The following MGST1 variants were observed in gnomAD, a reference collection of about 807,000 sequenced individuals.
MGST1 encodes glutathione S-transferase 12.
MGST1 carries 5 observed loss-of-function variants against 8.9 expected under a neutral mutation model. That is an observed-to-expected ratio of 0.56 (90% CI 0.29 to 1.19). The LOEUF (loss-of-function observed/expected upper bound fraction) is 1.19. Among genes scored for constraint, MGST1 ranks in the 50% most tolerant of loss-of-function variants. The pLI, the probability that MGST1 is intolerant of heterozygous loss-of-function variation, is 0.08. For synonymous variants in MGST1, 54 were observed against 67.8 expected (o/e 0.80, Z 1.00); for missense variants, 182 against 187.4 (o/e 0.97, Z 0.17).
chr12:16,586,931 C>G lies in MGST1; in HGVS notation n.483-2597C>G, dbSNP rs1335522935. Among the ~76,000 whole-genome samples the G allele has an allele frequency of 6.6e-6, 1 of 152,174 alleles. No individual in the cohort carries two copies. Among genetic ancestry groups the G allele is most frequent in the Non-Finnish European group, 1.5e-5 (1 of 68,030 alleles). The stretch of plus-strand genomic sequence containing the variant: ...GAATTCTCCCCTCTAATAATAGAGT[C>G]ATGTGATAGCTTAAAAACACATGCT... On this transcript the variant is annotated intron_variant and non_coding_transcript_variant, in intron 4 of 4. Coordinates refer to the MGST1 transcript ENST00000538857. This position sits in a 1 kb window ranked among gnomAD's most constrained non-coding sequence, Gnocchi z 4.3.
chr12:16,461,337 T>C (rs1399374106), intron 4 of MGST1, among the ~76,000 whole-genome samples: 2 of 152,170 alleles, frequency 1.3e-5, no homozygotes, highest in African/African-American at 2.4e-5. Flanking sequence ...TTGACTTATA[T>C]AGTTATTCTA....
rs560753775 is a variant in MGST1, at chr12:16,402,502, C to A, written n.778+18898C>A. The A allele has an allele frequency of 3.9e-5, 47 of 1,219,118 alleles. 2 individuals are homozygous for A. The South Asian group carries it at 5.7e-4, about 15-fold the overall frequency. 75.5% of individuals were successfully genotyped at this position (1,219,118 alleles called of 1,614,324 possible). A position where few individuals can be genotyped will look rare whatever the true frequency, so the allele number is the denominator to read the frequency against. On this transcript the variant is annotated intron_variant and non_coding_transcript_variant, in intron 1 of 1. Transcript: ENST00000359720. The stretch of plus-strand genomic sequence containing the variant: ...CCACCTGCTCTCGGCCCAGGAATCC[C>A]GCACTCTTATTCTTGGTTAGATTTA...
At chr12:16,562,862 T>A (rs1314221197) in intron 4 of MGST1, among the ~76,000 whole-genome samples, 2 of 152,232 alleles carry the variant, frequency 1.3e-5, no homozygotes, top group East Asian at 1.9e-4. Flanking sequence ...CTGCTACCAG[T>A]GTACTTTCCA....
rs1940133839 is a variant in MGST1 at position 16,364,135 on chromosome 12, G to C, written c.*94G>C. On this transcript the variant is annotated 3_prime_UTR_variant, in exon 4 of 4. Transcript: ENST00000396210. This position sits in a 1 kb window ranked among gnomAD's most constrained non-coding sequence, Gnocchi z 5.7. ...CTTTCTTAGATTTTAGGTAGGAGGG[G>C]AGCAGAGGAATTATGAACTGGGGTA... The C allele has an allele frequency of 6.9e-7, 1 of 1,457,374 alleles. No individual in the cohort carries two copies. Among genetic ancestry groups the C allele is most frequent in the Non-Finnish European group, 9.1e-7 (1 of 1,102,030 alleles). 90.3% of individuals were successfully genotyped at this position (1,457,374 alleles called of 1,614,324 possible). A position where few individuals can be genotyped will look rare whatever the true frequency, so the allele number is the denominator to read the frequency against.
chr12:16,495,607 T>C (rs1941464705), intron 4 of MGST1, among the ~76,000 whole-genome samples: 1 of 152,056 alleles, frequency 6.6e-6, no homozygotes, highest in Non-Finnish European at 1.5e-5. Flanking sequence ...AGAGGATAAA[T>C]TTTCCAACCG....
intron 1 of MGST1, among the ~76,000 whole-genome samples, chr12:16,409,962 T>A (rs1327414935): frequency 6.6e-6 from 1 of 152,152 alleles, no homozygotes; most frequent in Non-Finnish European, 1.5e-5. Flanking sequence ...AATACTTGTT[T>A]TATGTTATCT....
chr12:16,363,997 C>CT lies in MGST1; in HGVS notation c.427dup (p.Ser143PhefsTer10). The CT allele has an allele frequency of 1.2e-6, 2 of 1,613,714 alleles. No individual in the cohort carries two copies. Among genetic ancestry groups the CT allele is most frequent in the Non-Finnish European group, 8.5e-7 (1 of 1,179,734 alleles). On this transcript the variant is annotated frameshift_variant, in exon 4 of 4. Transcript: ENST00000396210. LOFTEE classifies it high-confidence loss of function. This position sits in a 1 kb window ranked among gnomAD's most constrained non-coding sequence, Gnocchi z 4.6. Reference sequence around the variant, plus strand: ...TTTTTTTGTTGGATATGGAGTTACTCTTTCCATGGCTTACAGGTTGCTGAA... The same window carrying CT: ...TTTTTTTGTTGGATATGGAGTTACTCTTTTCCATGGCTTACAGGTTGCTGAA...
At chr12:16,505,144 T>C (rs2137172367) in intron 4 of MGST1, among the ~76,000 whole-genome samples, 1 of 152,290 alleles carries the variant, frequency 6.6e-6, no homozygotes, top group Non-Finnish European at 1.5e-5. Flanking sequence ...ATCTCAACTA[T>C]TTTGTGGATA....
chr12:16,554,794 C>T (rs1942127197), intron 4 of MGST1, among the ~76,000 whole-genome samples: 1 of 152,174 alleles, frequency 6.6e-6, no homozygotes, highest in Non-Finnish European at 1.5e-5. Context: ...GTAGCTCTGA[C>T]TACAGGCGCC....
Position 16,388,225 on chromosome 12 carries a change from T to C in MGST1, n.778+4621T>C, listed in dbSNP as rs575263237. ...ACTGTAGGCAATTGTAACACAATGG[T>C]AAGTATTTGTGTACCTAAACATAGA... On this transcript the variant is annotated intron_variant and non_coding_transcript_variant, in intron 1 of 1. Coordinates refer to the MGST1 transcript ENST00000359720. Among the ~76,000 whole-genome samples, 19 of 152,058 alleles carry C rather than the reference T, an allele frequency of 1.2e-4. No homozygotes were observed. In the East Asian group the frequency reaches 3.7e-3, roughly 30 times the overall value.
chr12:16,408,319 C>T (rs1042044099), intron 1 of MGST1, among the ~76,000 whole-genome samples: 2 of 152,074 alleles, frequency 1.3e-5, no homozygotes, highest in African/African-American at 4.8e-5. Context: ...CAACAAATTC[C>T]CATGACAGGA....
At chr12:16,353,845 C>T (rs141210182) in intron 1 of MGST1, among the ~76,000 whole-genome samples, 2,207 of 150,738 alleles carry the variant, frequency 0.015, 54 homozygotes, top group African/African-American at 0.052. Flanking sequence ...TTGCAACCTC[C>T]GCCTCCCGGA....
At chr12:16,461,608 G>A (rs1941221984) in intron 4 of MGST1, among the ~76,000 whole-genome samples, 2 of 152,112 alleles carry the variant, frequency 1.3e-5, no homozygotes, top group South Asian at 4.1e-4. Flanking sequence ...ATAAACATGA[G>A]AAGGGGTTCG....
In MGST1 at chr12:16,584,174, A is replaced by C. The variant is rs1943248326; in HGVS notation, n.483-5354A>C. Among the ~76,000 whole-genome samples the C allele has an allele frequency of 6.6e-6, 1 of 152,096 alleles. No homozygotes were observed. The highest frequency in any genetic ancestry group is 2.4e-5 in the African/African-American group (1 of 41,436). ...ACAGCAGTGAGTAGGGGTAAAAGGT[A>C]GTATAATTAGATGTACGAGTTTTGT... On this transcript the variant is annotated intron_variant and non_coding_transcript_variant, in intron 4 of 4. Transcript: ENST00000538857. The surrounding 1 kb of genome is among the most constrained non-coding windows in gnomAD (Gnocchi z 5.2).
At chr12:16,481,006 G>C (rs1315284187) in intron 4 of MGST1, among the ~76,000 whole-genome samples, 1 of 152,110 alleles carries the variant, frequency 6.6e-6, no homozygotes, top group African/African-American at 2.4e-5. Flanking sequence ...AAAATAGGCT[G>C]TGGGCAACAT....
At position 16,582,744 on chromosome 12, in the gene MGST1, G is replaced by T. The variant is rs770729533; in HGVS notation, n.483-6784G>T. Reference sequence around the variant, plus strand: ...TTTAAGTATCTGATTGGGATGAGACGCCCAGAAAAGAATCAGAACTAGGCC... The same window carrying T: ...TTTAAGTATCTGATTGGGATGAGACTCCCAGAAAAGAATCAGAACTAGGCC... On this transcript the variant is annotated intron_variant and non_coding_transcript_variant, in intron 4 of 4. Transcript: ENST00000538857. The surrounding 1 kb of genome is among the most constrained non-coding windows in gnomAD (Gnocchi z 4.1). Among the ~76,000 whole-genome samples the T allele has an allele frequency of 6.6e-6, 1 of 152,062 alleles. No homozygotes were observed. The highest frequency in any genetic ancestry group is 6.6e-5 in the Admixed American group (1 of 15,256).
At position 16,401,221 on chromosome 12, in the gene MGST1, A is replaced by C; in HGVS notation, n.778+17617A>C. 1 of 1,568,158 alleles carries C rather than the reference A, an allele frequency of 6.4e-7. No homozygotes were observed. On this transcript the variant is annotated intron_variant and non_coding_transcript_variant, in intron 1 of 1. Transcript: ENST00000359720. This position sits in a 1 kb window ranked among gnomAD's most constrained non-coding sequence, Gnocchi z 4.3. The stretch of plus-strand genomic sequence containing the variant: ...CATAAGCACTGTGTCACTAAGGAAC[A>C]GGGCATAGGTTTTCTCTTCTGGCTT...
Position 16,401,182 on chromosome 12 carries a change from G to T in MGST1, n.778+17578G>T. The T allele has an allele frequency of 6.4e-7, 1 of 1,557,236 alleles. No homozygotes were observed. Among genetic ancestry groups the T allele is most frequent in the Non-Finnish European group, 8.8e-7 (1 of 1,130,284 alleles). On this transcript the variant is annotated intron_variant and non_coding_transcript_variant, in intron 1 of 1. Coordinates refer to the MGST1 transcript ENST00000359720. The surrounding 1 kb of genome is among the most constrained non-coding windows in gnomAD (Gnocchi z 4.3). ...CTTCACAGAAGTGAGAACAGTAGCT[G>T]GGCCATCCTCATCCATAAGCACTGT...
chr12:16,435,207 T>C (rs1255190339), intron 1 of MGST1, among the ~76,000 whole-genome samples: 1 of 151,974 alleles, frequency 6.6e-6, no homozygotes, highest in East Asian at 1.9e-4. Context: ...TTTGATTTTA[T>C]TTATTTATCT....
Sources: gnomAD v4.1 joint callset for allele counts (sites outside exome capture counted in the v4.1 genomes callset) on GRCh38, gnomAD v4.1.1 for gene constraint, Gnocchi (gnomAD v3.1) non-coding constraint, MANE v1.5 for transcripts, NCBI Gene and HGNC (gene_info 2026-07-23, HGNC 2026-07-21) for gene names.